NPHP4: variants seen among roughly 807,000 people sequenced by gnomAD.
NPHP4 encodes the protein nephrocystin-4.
Under a neutral mutation model 155.8 loss-of-function variants are expected in NPHP4, and 151 were observed. The observed-to-expected ratio is 0.97, with a 90% CI of 0.85 to 1.11. The LOEUF is 1.11. Ranked by LOEUF, NPHP4 falls within the 50% of genes least tolerant of loss-of-function variation. The pLI is 0.00. For synonymous variants in NPHP4, 845 were observed against 816.8 expected (o/e 1.03, Z -0.59); for missense variants, 1,956 against 1,925.7 (o/e 1.02, Z -0.29).
chr1:5,920,469 T>C (rs1449848188), intron 11 of NPHP4, among the ~76,000 whole-genome samples: 14 of 152,144 alleles, frequency 9.2e-5, no homozygotes, highest in Admixed American at 8.5e-4. Flanking sequence ...GAACCAGTAG[T>C]TGAAGGGGTA....
At chr1:5,975,513 T>C (rs548067005) in intron 3 of NPHP4, among the ~76,000 whole-genome samples, 159 of 152,276 alleles carry the variant, frequency 1.0e-3, no homozygotes, top group African/African-American at 3.7e-3. Context: ...AGGGTGCAGA[T>C]TTTTCCAGAG....
chr1:5,909,131 C>A, intron 12 of NPHP4, 21 bp downstream of exon 12: 1 of 1,571,840 alleles, frequency 6.4e-7, no homozygotes, highest in East Asian at 2.3e-5. Context: ...CTGAAGGAGG[C>A]CGTGGGGGGC....
At chr1:5,919,483 C>A (rs1475429723) in intron 11 of NPHP4, among the ~76,000 whole-genome samples, 1 of 152,154 alleles carries the variant, frequency 6.6e-6, no homozygotes, top group Non-Finnish European at 1.5e-5. Flanking sequence ...GTTTTTAAAG[C>A]TCCACTGGGA....
rs762356875 is a variant in NPHP4, at chr1:5,905,246, A to G, written c.1955+46T>C. ...CCTCAGCGAAGTTTCTCTTCAACAC[A>G]GGAAATGTGAAAGCCAGATGAGTAA... On this transcript the variant is annotated intron_variant, in intron 15 of 29. Coordinates refer to ENST00000378156, the MANE Select transcript of NPHP4 (RefSeq NM_015102.5). This position sits in a 1 kb window ranked among gnomAD's most constrained non-coding sequence, Gnocchi z 4.0. 4.0e-6 allele frequency: 6 copies of G among 1,494,286 alleles called. No homozygotes were observed. Among genetic ancestry groups the G allele is most frequent in the Non-Finnish European group, 5.6e-6 (6 of 1,070,852 alleles). The allele number at this position is 1,494,286 out of a possible 1,614,324, so 92.6% of individuals were successfully genotyped here.
At chr1:5,925,027 T>C (rs1379841132) in intron 11 of NPHP4, among the ~76,000 whole-genome samples, 1 of 152,206 alleles carries the variant, frequency 6.6e-6, no homozygotes, top group African/African-American at 2.4e-5. Flanking sequence ...AAGCTAGCTA[T>C]ACAGGTTCAT....
intron 2 of NPHP4, among the ~76,000 whole-genome samples, chr1:5,983,704 T>C (rs543010441): frequency 6.6e-6 from 1 of 152,184 alleles, no homozygotes; most frequent in Non-Finnish European, 1.5e-5. Flanking sequence ...GGAGGTGGTC[T>C]TGGAGGCCCC....
chr1:5,964,909 C>CAT (rs1261205390), intron 5 of NPHP4, among the ~76,000 whole-genome samples: 3 of 108,122 alleles, frequency 2.8e-5, no homozygotes, highest in Non-Finnish European at 5.4e-5. Context: ...ATATATAATA[C>CAT]ATATATATTA....
At position 5,904,720 on chromosome 1, in the gene NPHP4, C is replaced by T. The variant is rs764630789; in HGVS notation, c.2040G>A (p.Thr680=). 4 of 1,613,974 alleles carry T rather than the reference C, an allele frequency of 2.5e-6. No homozygotes were observed. Among genetic ancestry groups the T allele is most frequent in the East Asian group, 2.2e-5 (1 of 44,892 alleles). ...FQFYRFPPAT[T]PRLQLVQLDE... ...CCAGCTGGACCAGCTGCAGTCGTGG[C>T]GTCGTTGCGGGTGGGAAGCGGTAGA... Residue 680 remains threonine, a synonymous_variant, in exon 16 of 30, where the codon ACG becomes ACA. Coordinates refer to ENST00000378156, the MANE Select transcript of NPHP4 (RefSeq NM_015102.5).
intron 11 of NPHP4, among the ~76,000 whole-genome samples, chr1:5,924,402 C>CA (rs1437962697): frequency 1.3e-5 from 2 of 151,816 alleles, no homozygotes; most frequent in African/African-American, 2.4e-5. Flanking sequence ...GGAACCCTGG[C>CA]AAAAAAATCA....
In NPHP4 at chr1:5,866,306, C is replaced by T. The variant is rs1570051234; in HGVS notation, c.3644+67G>A. On this transcript the variant is annotated intron_variant, in intron 26 of 29. Coordinates refer to ENST00000378156, the MANE Select transcript of NPHP4 (RefSeq NM_015102.5). ...GCCAAGCCCACTTTCAATCCACCAG[C>T]AGCCCCAGGCCTGCCTCCTCCTCTC... 6.8e-6 allele frequency: 7 copies of T among 1,036,950 alleles called. No homozygotes were observed. In the Admixed American group the frequency reaches 1.2e-4, roughly 17 times the overall value. 64.2% of individuals were successfully genotyped at this position (1,036,950 alleles called of 1,614,324 possible).
At chr1:5,976,327 C>T (rs1653565430) in intron 3 of NPHP4, among the ~76,000 whole-genome samples, 1 of 152,164 alleles carries the variant, frequency 6.6e-6, no homozygotes, top group African/African-American at 2.4e-5. Flanking sequence ...GCTTCTGAGC[C>T]GATGCCTGGC....
chr1:5,917,083 G>A (rs1468526264), intron 11 of NPHP4, among the ~76,000 whole-genome samples: 2 of 152,152 alleles, frequency 1.3e-5, no homozygotes, highest in African/African-American at 4.8e-5. Flanking sequence ...GCCACTATCT[G>A]TCAACTTCAC....
chr1:5,906,346 G>A (rs1249180151), intron 13 of NPHP4, among the ~76,000 whole-genome samples: 5 of 152,256 alleles, frequency 3.3e-5, no homozygotes, highest in African/African-American at 7.2e-5. Flanking sequence ...CTCTCAGAGA[G>A]GAGCTGGCTT....
chr1:5,905,560 G>A lies in NPHP4; in HGVS notation c.1763+72C>T. ...GATGCACCTCCCTGTGGAAACCCTG[G>A]GGTTCACAAGGTCCAACAGTCTGAC... On this transcript the variant is annotated intron_variant, in intron 14 of 29. Transcript: ENST00000378156. The surrounding 1 kb of genome is among the most constrained non-coding windows in gnomAD (Gnocchi z 4.0). The A allele has an allele frequency of 1.9e-6, 3 of 1,602,436 alleles. No individual in the cohort carries two copies. The highest frequency in any genetic ancestry group is 2.6e-6 in the Non-Finnish European group (3 of 1,171,222).
At chr1:5,971,330 T>C (rs563987725) in intron 3 of NPHP4, among the ~76,000 whole-genome samples, 22 of 152,346 alleles carry the variant, frequency 1.4e-4, no homozygotes, top group African/African-American at 5.1e-4. Context: ...AAAGAATCCA[T>C]CTTTAATCAG....
intron 1 of NPHP4, among the ~76,000 whole-genome samples, chr1:5,990,240 G>A (rs1033194404): frequency 2.6e-5 from 4 of 152,152 alleles, no homozygotes; most frequent in African/African-American, 7.2e-5. Context: ...GAGCCACCAC[G>A]CTTCACCAGG....
Position 5,969,183 on chromosome 1 carries a change from C to A in NPHP4, c.356G>T (p.Arg119Leu). The change falls in exon 4 of 30, where the codon CGG (arginine) becomes CTG (leucine). Residue 119 changes from arginine to leucine, a missense_variant. By Grantham distance (102) the Arg-to-Leu change is moderately radical. Coordinates refer to ENST00000378156, the MANE Select transcript of NPHP4 (RefSeq NM_015102.5). ...GGACAATGTCTGGAGGCTCCCATCC[C>A]GTTTCTTGCCCTCAGCGACCACTTC... is the stretch of plus-strand genomic sequence containing the variant. The part of the protein sequence containing the change: ...VVEVVAEGKK[R>L]DGSLQTLSCG... The A allele has an allele frequency of 6.4e-7, 1 of 1,573,144 alleles. No individual in the cohort carries two copies. The highest frequency in any genetic ancestry group is 8.6e-7 in the Non-Finnish European group (1 of 1,158,444).
At chr1:5,978,513 A>G (rs1397168996) in intron 2 of NPHP4, 100 bp from the exon 3 acceptor site, 1 of 1,117,846 alleles carries the variant, frequency 8.9e-7, no homozygotes, top group Non-Finnish European at 1.3e-6. Context: ...CCTCGCTCAG[A>G]TATCAGCACG....
At position 5,948,372 on chromosome 1, in the gene NPHP4, T is replaced by A. The variant is rs1312069752; in HGVS notation, c.811-121A>T. ...AGCAGAAGTTGCAGATAACTGCAGA[T>A]CAGATGATGCTTAGTCAAGATGAGT... On this transcript the variant is annotated intron_variant, in intron 7 of 29. Transcript: ENST00000378156. 1.0e-5 allele frequency: 7 copies of A among 689,236 alleles called. No individual in the cohort carries two copies. The African/African-American group carries it at 1.3e-4, about 12-fold the overall frequency. The allele number at this position is 689,236 out of a possible 1,614,324, so 42.7% of individuals were successfully genotyped here.
Sources: allele counts gnomAD v4.1 joint callset (sites outside exome capture counted in the v4.1 genomes callset), GRCh38; gene constraint gnomAD v4.1.1; non-coding constraint Gnocchi (gnomAD v3.1); transcripts MANE v1.5; gene names NCBI Gene and HGNC (gene_info 2026-07-23, HGNC 2026-07-21).